The following TVP23C variants were observed in gnomAD, a reference collection of about 807,000 sequenced individuals.
TVP23C encodes trans-golgi network vesicle protein 23 homolog C, also known as Golgi apparatus membrane protein TVP23 homolog C.
In TVP23C, 19 loss-of-function variants were observed where a neutral mutation model predicts 28.7. That is an observed-to-expected ratio of 0.66 (90% confidence interval 0.46 to 0.97). The LOEUF (loss-of-function observed/expected upper bound fraction) is 0.97. Ranked by LOEUF, TVP23C falls within the 50% of genes least tolerant of loss-of-function variation. TVP23C has a pLI of 0.00. For missense variants in TVP23C, 186 were observed against 241.3 expected, an observed-to-expected ratio of 0.77 and a Z score of 1.52; for synonymous variants, 68 against 81.7, an observed-to-expected ratio of 0.83 and a Z score of 0.90.
At chr17:15,503,068 C>A (rs767009665) in exon 6 of TVP23C, 3 of 1,613,974 alleles carry the variant, frequency 1.9e-6, no homozygotes, top group Non-Finnish European at 2.5e-6. Context: ...GAGCTCGATC[C>A]GTGATCCTCG....
rs573973750 is a variant in TVP23C at position 15,529,281 on chromosome 17, A to C, written c.462+16504T>G. Among the ~76,000 whole-genome samples the C allele has an allele frequency of 7.2e-5, 11 of 152,048 alleles. No homozygotes were observed. The East Asian group carries it at 1.4e-3, about 19-fold the overall frequency. ...AGCCTGGCCAACATGGTGAAATCCT[A>C]TCTCTACTAAAAATACAAAAATTAG... On this transcript the variant is annotated intron_variant, in intron 5 of 5. Coordinates refer to the TVP23C transcript ENST00000225576.
intron 5 of TVP23C, among the ~76,000 whole-genome samples, chr17:15,543,011 C>T (rs117975760): frequency 0.044 from 6,624 of 151,844 alleles, 109 homozygotes; most frequent in Non-Finnish European, 0.062. Context: ...TGGGCTCACT[C>T]TCTTGGATGG....
chr17:15,505,775 G>C, intron 5 of TVP23C, among the ~76,000 whole-genome samples: 1 of 148,428 alleles, frequency 6.7e-6, no homozygotes, highest in Admixed American at 6.7e-5. Context: ...TGGGCTTGGC[G>C]GGCCCCGCAC....
At chr17:15,543,614 T>C (rs1230581287) in intron 5 of TVP23C, among the ~76,000 whole-genome samples, 3 of 151,338 alleles carry the variant, frequency 2.0e-5, no homozygotes, top group Admixed American at 6.6e-5. Context: ...GCACTTAAAA[T>C]AGTTACTGTT....
exon 6 of TVP23C, chr17:15,502,813 T>TCTCTC (rs768159514): frequency 2.8e-4 from 88 of 309,056 alleles, no homozygotes; most frequent in Middle Eastern, 1.2e-3. Context: ...CTCTCTCCTC[T>TCTCTC]CTCTCTCTCT....
chr17:15,537,534 C>T lies in TVP23C; in HGVS notation c.*2878G>A. 1 of 984,078 alleles carries T rather than the reference C, an allele frequency of 1.0e-6. No individual in the cohort carries two copies. The highest frequency in any genetic ancestry group is 1.2e-6 in the Non-Finnish European group (1 of 828,770). The allele number at this position is 984,078 out of a possible 1,614,324, so 61.0% of individuals were successfully genotyped here. On this transcript the variant is annotated 3_prime_UTR_variant, in exon 6 of 6. Coordinates refer to ENST00000518321, the MANE Select transcript of TVP23C (RefSeq NM_001135036.2). The stretch of plus-strand genomic sequence containing the variant: ...CCTTAAGTAGATAACTTCTTACAAA[C>T]AAAAATAAAATTTTATAAAGTAGTT...
At chr17:15,557,096 C>T (rs1393880451) in intron 1 of TVP23C, among the ~76,000 whole-genome samples, 1 of 149,228 alleles carries the variant, frequency 6.7e-6, no homozygotes, top group East Asian at 1.9e-4. Context: ...CTGCTCACCA[C>T]CAAATACCAA....
chr17:15,544,382 T>C (rs1260851535), intron 5 of TVP23C, among the ~76,000 whole-genome samples: 1 of 152,170 alleles, frequency 6.6e-6, no homozygotes, highest in Non-Finnish European at 1.5e-5. Context: ...GTAAGAAATA[T>C]GTTTTCAAAA....
chr17:15,555,189 A>C, intron 2 of TVP23C, 93 bp downstream of exon 2: 3 of 1,553,986 alleles, frequency 1.9e-6, no homozygotes, highest in Non-Finnish European at 2.6e-6. Flanking sequence ...AAGCACATTG[A>C]AACAACTCTG....
intron 1 of TVP23C, among the ~76,000 whole-genome samples, chr17:15,558,814 C>T (rs1283793843): frequency 2.0e-5 from 3 of 148,302 alleles, no homozygotes; most frequent in Non-Finnish European, 4.5e-5. Context: ...ACTTCACTGC[C>T]GCAGTAGCAA....
chr17:15,549,487 T>G (rs1169800004), intron 3 of TVP23C, among the ~76,000 whole-genome samples: 1 of 152,108 alleles, frequency 6.6e-6, no homozygotes, highest in African/African-American at 2.4e-5. Flanking sequence ...AAGACCAGCC[T>G]GGCTAACATA....
intron 5 of TVP23C, among the ~76,000 whole-genome samples, chr17:15,523,781 T>C (rs931086573): frequency 4.2e-4 from 64 of 151,932 alleles, no homozygotes; most frequent in African/African-American, 1.5e-3. Context: ...GCCCGGCTAA[T>C]TTTTTGTATT....
exon 6 of TVP23C, chr17:15,503,071 G>C: frequency 3.1e-6 from 5 of 1,614,128 alleles, no homozygotes; most frequent in Non-Finnish European, 2.5e-6. Context: ...CTCGATCCGT[G>C]ATCCTCGTGA....
At chr17:15,515,342 G>T (rs543980341) in intron 5 of TVP23C, among the ~76,000 whole-genome samples, 1 of 152,248 alleles carries the variant, frequency 6.6e-6, no homozygotes, top group Non-Finnish European at 1.5e-5. Flanking sequence ...TAAATCATTT[G>T]TGTAGGAATC....
In TVP23C at chr17:15,552,026, TAAAC is replaced by T. The variant is rs907108938; in HGVS notation, c.240+1655_240+1658del. On this transcript the variant is annotated intron_variant, in intron 3 of 5. Transcript: ENST00000518321. ...TTAAGCTCTTGTTTAAAAACAAAAA[TAAAC>T]AAACAAATAAACCTTATCAGAAAAT... Among the ~76,000 whole-genome samples the T allele has an allele frequency of 8.6e-3, 1,316 of 152,198 alleles. 22 individuals carry two copies. The highest frequency in any genetic ancestry group is 0.03 in the African/African-American group (1,261 of 41,490).
In TVP23C at chr17:15,563,481, C is replaced by T; in HGVS notation, c.-33G>A. On this transcript the variant is annotated 5_prime_UTR_variant, in exon 1 of 6. Coordinates refer to ENST00000518321, the MANE Select transcript of TVP23C (RefSeq NM_001135036.2). ...CTACGCCAGCCCTGCTTCCAGGAGCCACGTCAGCGCAGCAGCGTACGGGTC... is the reference window on the plus strand; with the variant it reads ...CTACGCCAGCCCTGCTTCCAGGAGCTACGTCAGCGCAGCAGCGTACGGGTC... 1.3e-6 allele frequency: 2 copies of T among 1,575,544 alleles called. No individual in the cohort carries two copies. Among genetic ancestry groups the T allele is most frequent in the Non-Finnish European group, 1.7e-6 (2 of 1,162,154 alleles).
intron 2 of TVP23C, among the ~76,000 whole-genome samples, chr17:15,554,147 T>G (rs2150859661): frequency 6.6e-6 from 1 of 151,946 alleles, no homozygotes; most frequent in Admixed American, 6.6e-5. Flanking sequence ...AGAATTTGAA[T>G]CCTATTTTCA....
chr17:15,558,925 A>G (rs1984254981), intron 1 of TVP23C, among the ~76,000 whole-genome samples: 1 of 147,078 alleles, frequency 6.8e-6, no homozygotes, highest in African/African-American at 2.5e-5. Flanking sequence ...GTGCAGTGGA[A>G]CAATCAGGGG....
downstream of TVP23C, among the ~76,000 whole-genome samples, chr17:15,535,723 T>C (rs1432597145): frequency 2.0e-5 from 3 of 152,216 alleles, no homozygotes; most frequent in Non-Finnish European, 4.4e-5. Context: ...TCTCTAATAC[T>C]GTACTAACAA....
Sources: gnomAD v4.1 joint callset for allele counts (sites outside exome capture counted in the v4.1 genomes callset) on GRCh38, gnomAD v4.1.1 for gene constraint, MANE v1.5 for transcripts, NCBI Gene and HGNC (gene_info 2026-07-23, HGNC 2026-07-21) for gene names.